VPS13B: variants seen among roughly 807,000 people sequenced by gnomAD.
VPS13B encodes vacuolar protein sorting 13 homolog B, also known as intermembrane lipid transfer protein VPS13B.
In VPS13B, 285 loss-of-function variants were observed where a neutral mutation model predicts 426.4. The ratio of observed to expected loss-of-function variants is 0.67; its 90% CI spans 0.61 to 0.74. The LOEUF is 0.74. Ranked by LOEUF, VPS13B falls within the 30% of genes least tolerant of loss-of-function variation. VPS13B has a pLI of 0.00. For synonymous variants in VPS13B, 1,676 were observed against 1,676.4 expected (o/e 1.00, Z 0.01); for missense variants, 4,537 against 4,782.6 (o/e 0.95, Z 1.51).
At chr8:99,721,144 A>G in intron 39 of VPS13B, 97 bp downstream of exon 39, 1 of 1,253,988 alleles carries the variant, frequency 8.0e-7, no homozygotes, top group East Asian at 2.3e-5. Flanking sequence ...TTCTTACATT[A>G]ATAGTATCAG....
chr8:99,275,402 T>G (rs1330512875), intron 19 of VPS13B, 148 bp downstream of exon 19: 2 of 730,372 alleles, frequency 2.7e-6, no homozygotes, highest in Non-Finnish European at 4.3e-6. Flanking sequence ...AAAATTCAAA[T>G]GAAGAATTTT....
chr8:99,769,839 CA>C (rs1275137216), intron 40 of VPS13B, among the ~76,000 whole-genome samples: 1 of 152,024 alleles, frequency 6.6e-6, no homozygotes, highest in East Asian at 1.9e-4. Context: ...AGGGAGCCCC[CA>C]GTGCAAATGA....
intron 40 of VPS13B, among the ~76,000 whole-genome samples, chr8:99,770,262 AC>A (rs1355178770): frequency 1.3e-5 from 2 of 152,062 alleles, no homozygotes; most frequent in African/African-American, 4.8e-5. Context: ...GTAAATGTTG[AC>A]CTTTATAGTA....
chr8:99,021,207 A>C (rs559878167), intron 2 of VPS13B, among the ~76,000 whole-genome samples: 1 of 152,352 alleles, frequency 6.6e-6, no homozygotes, highest in East Asian at 1.9e-4. Context: ...AGTGGCTTGC[A>C]AAAGCCTAAA....
At chr8:99,085,526 A>G (rs1845730572) in intron 3 of VPS13B, among the ~76,000 whole-genome samples, 1 of 151,994 alleles carries the variant, frequency 6.6e-6, no homozygotes, top group South Asian at 2.1e-4. Context: ...TTGTTAGTTG[A>G]TGGATTTTCT....
intron 3 of VPS13B, among the ~76,000 whole-genome samples, chr8:99,093,099 A>G (rs557918231): frequency 1.8e-3 from 270 of 152,170 alleles, no homozygotes; most frequent in Middle Eastern, 0.01. Context: ...ATGTCTATAC[A>G]AATAATATTA....
At chr8:99,341,198 G>A (rs1045006321) in intron 19 of VPS13B, 5 of 200,598 alleles carry the variant, frequency 2.5e-5, no homozygotes, top group African/African-American at 2.4e-5. Flanking sequence ...CCTCTCACTG[G>A]CTGAAAAAGC....
intron 3 of VPS13B, among the ~76,000 whole-genome samples, chr8:99,046,705 G>A (rs1199154302): frequency 6.6e-6 from 1 of 152,120 alleles, no homozygotes; most frequent in Non-Finnish European, 1.5e-5. Flanking sequence ...TTATTACATT[G>A]AGGTATGTTA....
chr8:99,114,247 A>G (rs896294864), intron 6 of VPS13B, among the ~76,000 whole-genome samples: 3 of 151,608 alleles, frequency 2.0e-5, no homozygotes, highest in Admixed American at 1.3e-4. Context: ...TGCCTATGTC[A>G]TACTCTTATT....
At chr8:99,199,466 C>T (rs560433233) in intron 17 of VPS13B, among the ~76,000 whole-genome samples, 3 of 152,284 alleles carry the variant, frequency 2.0e-5, no homozygotes, top group East Asian at 1.9e-4. Context: ...CCACCACACC[C>T]GGCCCAGAAC....
chr8:99,475,674 T>C (rs1819654574), intron 24 of VPS13B, among the ~76,000 whole-genome samples: 1 of 152,202 alleles, frequency 6.6e-6, no homozygotes, highest in Non-Finnish European at 1.5e-5. Context: ...GTAAACCAGC[T>C]CTAAGCAAAG....
At chr8:99,490,458 A>G (rs922219521) in intron 25 of VPS13B, among the ~76,000 whole-genome samples, 1 of 152,186 alleles carries the variant, frequency 6.6e-6, no homozygotes, top group East Asian at 1.9e-4. Context: ...ATTGATTGGA[A>G]TAGTTTCAGA....
At chr8:99,190,739 T>C (rs1413264254) in intron 16 of VPS13B, among the ~76,000 whole-genome samples, 7 of 152,228 alleles carry the variant, frequency 4.6e-5, no homozygotes, top group Admixed American at 4.6e-4. Flanking sequence ...ATTCTACTTT[T>C]ACATATGTCA....
chr8:99,015,052 C>G (rs1395807794), intron 2 of VPS13B, among the ~76,000 whole-genome samples: 1 of 152,020 alleles, frequency 6.6e-6, no homozygotes, highest in Non-Finnish European at 1.5e-5. Flanking sequence ...TCCACAGCCT[C>G]TTTTATTACT....
At chr8:99,805,979 G>C (rs1332267986) in intron 43 of VPS13B, among the ~76,000 whole-genome samples, 1 of 152,058 alleles carries the variant, frequency 6.6e-6, no homozygotes, top group African/African-American at 2.4e-5. Context: ...AAATGCCCTG[G>C]GCTTCAGGCA....
At chr8:99,160,377 G>A (rs548948386) in intron 15 of VPS13B, among the ~76,000 whole-genome samples, 2 of 152,270 alleles carry the variant, frequency 1.3e-5, no homozygotes, top group East Asian at 3.9e-4. Flanking sequence ...AATCAGTACT[G>A]GCTGGGTATC....
In VPS13B at chr8:99,037,176, A is replaced by AT. The variant is rs2132217882; in HGVS notation, c.148-1243dup. 1.3e-5 allele frequency among the ~76,000 whole-genome samples: 2 copies of AT among 152,254 alleles called. 1 individual carries two copies. Among genetic ancestry groups the AT allele is most frequent in the South Asian group, 4.1e-4 (2 of 4,824 alleles). Reference sequence around the variant, plus strand: ...GAACAATGCTTGAAGAAATTAATGCATTTTAAAAATACTGTGATAATGACA... The same window carrying AT: ...GAACAATGCTTGAAGAAATTAATGCATTTTTAAAAATACTGTGATAATGACA... On this transcript the variant is annotated intron_variant, in intron 2 of 61. Transcript: ENST00000357162.
intron 39 of VPS13B, among the ~76,000 whole-genome samples, chr8:99,762,078 T>A (rs1810960235): frequency 6.6e-6 from 1 of 152,102 alleles, no homozygotes; most frequent in Non-Finnish European, 1.5e-5. Context: ...CCGGGCTGGG[T>A]GCAGTGGCAC....
In VPS13B at chr8:99,481,713, C is replaced by T. The variant is rs1348160171; in HGVS notation, c.3781C>T (p.Pro1261Ser). 1 of 1,614,004 alleles carries T rather than the reference C, an allele frequency of 6.2e-7. No individual in the cohort carries two copies. Among genetic ancestry groups the T allele is most frequent in the South Asian group, 1.1e-5 (1 of 91,078 alleles). Residue 1261 changes from proline (P) to serine (S), a missense_variant, in exon 25 of 62, where the codon CCT (proline) becomes TCT (serine). Pro to Ser is a moderately conservative substitution (Grantham distance 74). Coordinates refer to ENST00000357162, the MANE Select transcript of VPS13B (RefSeq NM_152564.5). ...TCCAGAGACCATGGCAGGGCCTGTT[C>T]CTACTTCTCCAGTTAGAAGCAGTAT... ...TSPETMAGPVPTSPVRSSIGT... is the reference protein window; with the variant it reads ...TSPETMAGPVSTSPVRSSIGT...
Sources: allele counts gnomAD v4.1 joint callset (sites outside exome capture counted in the v4.1 genomes callset), GRCh38; gene constraint gnomAD v4.1.1; transcripts MANE v1.5; gene names NCBI Gene and HGNC (gene_info 2026-07-23, HGNC 2026-07-21).